The following TRABD2B variants were observed in gnomAD, a reference collection of about 807,000 sequenced individuals.
The protein encoded by TRABD2B is TraB domain containing 2B, also known as metalloprotease TIKI2.
Under a neutral mutation model 40.1 loss-of-function variants are expected in TRABD2B, and 14 were observed. The observed-to-expected ratio is 0.35, with a 90% CI of 0.23 to 0.55. TRABD2B has a LOEUF of 0.55. TRABD2B is among the 20% of genes least tolerant of loss of function. The pLI, the probability that TRABD2B is intolerant of heterozygous loss-of-function variation, is 0.90. For missense variants in TRABD2B, 541 were observed against 648.6 expected, an observed-to-expected ratio of 0.83 and a Z score of 1.80; for synonymous variants, 263 against 277.0, an observed-to-expected ratio of 0.95 and a Z score of 0.50.
chr1:47,902,935 T>A (rs1044820601), intron 2 of TRABD2B, among the ~76,000 whole-genome samples: 2 of 152,188 alleles, frequency 1.3e-5, no homozygotes, highest in Non-Finnish European at 2.9e-5. Flanking sequence ...ACAGGTCTAG[T>A]CATAAATTCA....
chr1:47,977,037 A>G (rs1186183486), intron 2 of TRABD2B, among the ~76,000 whole-genome samples: 1 of 149,156 alleles, frequency 6.7e-6, no homozygotes, highest in Non-Finnish European at 1.5e-5. Flanking sequence ...TGGATGGTGT[A>G]TTTAGCTTTA....
At chr1:47,901,475 T>C (rs12724210) in intron 2 of TRABD2B, among the ~76,000 whole-genome samples, 69,896 of 151,870 alleles carry the variant, frequency 0.46, 17,886 homozygotes, top group Middle Eastern at 0.62. Flanking sequence ...CTTTCACCTC[T>C]CCACCCCTCC....
intron 2 of TRABD2B, among the ~76,000 whole-genome samples, chr1:47,983,233 G>C (rs1430346592): frequency 1.3e-5 from 2 of 152,152 alleles, no homozygotes; most frequent in African/African-American, 4.8e-5. Context: ...CACAGGGACA[G>C]AAAACCAAAT....
chr1:47,970,059 A>C (rs756529003), intron 2 of TRABD2B, among the ~76,000 whole-genome samples: 14 of 152,032 alleles, frequency 9.2e-5, no homozygotes, highest in Non-Finnish European at 1.8e-4. Flanking sequence ...TCAAGCACTT[A>C]CTCATTTTAA....
chr1:47,794,619 C>G lies in TRABD2B; in HGVS notation c.955G>C (p.Glu319Gln). 2 of 1,534,934 alleles carry G rather than the reference C, an allele frequency of 1.3e-6. No homozygotes were observed. The highest frequency in any genetic ancestry group is 1.7e-6 in the Non-Finnish European group (2 of 1,145,850). ...AAGGCAAAGAAGCAGATCTTGTCCT[C>G]GTTCTCCCGTAGAAGCGCCATGACC... is the stretch of plus-strand genomic sequence containing the variant. Reference protein sequence around the residue: ...KRVMALLRENEDKICFFAFGA... With the variant: ...KRVMALLRENQDKICFFAFGA... The change falls in exon 4 of 7, where the codon GAG (glutamate) becomes CAG (glutamine). Residue 319 changes from glutamate (E) to glutamine (Q), a missense_variant. Transcript: ENST00000606738.
At chr1:47,818,383 C>G (rs527672250) in intron 2 of TRABD2B, among the ~76,000 whole-genome samples, 14 of 152,346 alleles carry the variant, frequency 9.2e-5, no homozygotes, top group African/African-American at 3.4e-4. Flanking sequence ...TTCTTGGGAC[C>G]TGTTTTGCCA....
intron 2 of TRABD2B, among the ~76,000 whole-genome samples, chr1:47,831,715 G>A (rs886758683): frequency 6.6e-6 from 1 of 152,194 alleles, no homozygotes; most frequent in Non-Finnish European, 1.5e-5. Context: ...GTCGCAAACT[G>A]GCTAGGTGAC....
At chr1:47,941,467 C>G (rs1279194658) in intron 2 of TRABD2B, among the ~76,000 whole-genome samples, 1 of 152,220 alleles carries the variant, frequency 6.6e-6, no homozygotes, top group Non-Finnish European at 1.5e-5. Flanking sequence ...GATGTGTGCC[C>G]ACTTACCCAC....
chr1:47,852,174 A>G (rs1645558605), intron 2 of TRABD2B, among the ~76,000 whole-genome samples: 1 of 152,024 alleles, frequency 6.6e-6, no homozygotes, highest in Non-Finnish European at 1.5e-5. Flanking sequence ...CTCCCGAGAA[A>G]CCTCCGGGGC....
intron 2 of TRABD2B, among the ~76,000 whole-genome samples, chr1:47,942,004 C>T (rs1645195191): frequency 6.6e-6 from 1 of 152,206 alleles, no homozygotes; most frequent in African/African-American, 2.4e-5. Flanking sequence ...ATTAACTTAG[C>T]TTTGCCTGGT....
chr1:47,894,500 G>A (rs1458246165), intron 2 of TRABD2B, among the ~76,000 whole-genome samples: 1 of 152,164 alleles, frequency 6.6e-6, no homozygotes, highest in Non-Finnish European at 1.5e-5. Flanking sequence ...CCTTGACAAG[G>A]AGCTACCTAA....
At chr1:47,768,658 C>CATATATATTATAT (rs1315052239) in intron 6 of TRABD2B, among the ~76,000 whole-genome samples, 1 of 152,138 alleles carries the variant, frequency 6.6e-6, no homozygotes, top group Admixed American at 6.5e-5. Flanking sequence ...ATTTATTATA[C>CATATATATTATAT]GTAGTTTGCA....
At chr1:47,788,478 C>T (rs1644626662) in intron 4 of TRABD2B, among the ~76,000 whole-genome samples, 1 of 152,158 alleles carries the variant, frequency 6.6e-6, no homozygotes, top group Non-Finnish European at 1.5e-5. Flanking sequence ...CTCTGGTGCT[C>T]ACACTGCTTG....
At chr1:47,832,269 CT>C (rs1272263254) in intron 2 of TRABD2B, among the ~76,000 whole-genome samples, 1 of 151,820 alleles carries the variant, frequency 6.6e-6, no homozygotes, top group Admixed American at 6.6e-5. Context: ...GGAGGCGGAG[CT>C]TGCAGTGAGC....
intron 2 of TRABD2B, among the ~76,000 whole-genome samples, chr1:47,987,741 G>A (rs1257235565): frequency 1.3e-5 from 2 of 152,220 alleles, no homozygotes; most frequent in African/African-American, 4.8e-5. Flanking sequence ...ATGCCCAGGG[G>A]TCCCTGCTAG....
intron 4 of TRABD2B, among the ~76,000 whole-genome samples, chr1:47,780,494 G>A (rs1342639306): frequency 1.3e-5 from 2 of 152,080 alleles, no homozygotes; most frequent in Non-Finnish European, 2.9e-5. Flanking sequence ...CTTTTTCCAG[G>A]CACTCACAGA....
At chr1:47,901,450 G>A (rs1258021802) in intron 2 of TRABD2B, among the ~76,000 whole-genome samples, 2 of 152,134 alleles carry the variant, frequency 1.3e-5, no homozygotes, top group African/African-American at 2.4e-5. Flanking sequence ...AGCGGCAGGG[G>A]GCATGGACAG....
chr1:47,990,200 A>G (rs1320936968), intron 2 of TRABD2B, among the ~76,000 whole-genome samples: 2 of 152,228 alleles, frequency 1.3e-5, no homozygotes, highest in African/African-American at 2.4e-5. Flanking sequence ...GGTAAAGTAC[A>G]GAATAGCAGA....
chr1:47,936,442 A>G (rs1481650284), intron 2 of TRABD2B, among the ~76,000 whole-genome samples: 1 of 152,192 alleles, frequency 6.6e-6, no homozygotes, highest in East Asian at 1.9e-4. Flanking sequence ...CAAAGGGCAG[A>G]CAGACCATGA....
Sources: allele counts gnomAD v4.1 joint callset (sites outside exome capture counted in the v4.1 genomes callset), GRCh38; gene constraint gnomAD v4.1.1; transcripts MANE v1.5; gene names NCBI Gene and HGNC (gene_info 2026-07-23, HGNC 2026-07-21).